KIAA0930: variants seen among roughly 807,000 people sequenced by gnomAD.
KIAA0930 encodes the protein uncharacterized protein KIAA0930.
KIAA0930 carries 24 observed loss-of-function variants against 43.9 expected under a neutral mutation model. The observed-to-expected ratio is 0.55, with a 90% CI of 0.40 to 0.77. The LOEUF (loss-of-function observed/expected upper bound fraction) is 0.77. Ranked by LOEUF, KIAA0930 falls within the 30% of genes least tolerant of loss-of-function variation. KIAA0930 has a pLI of 0.00. For missense variants in KIAA0930, 461 were observed against 574.2 expected (o/e 0.80, Z 2.02); for synonymous variants, 259 against 216.4 (o/e 1.20, Z -1.73).
intron 1 of KIAA0930, among the ~76,000 whole-genome samples, chr22:45,229,608 G>C (rs557391512): frequency 1.3e-3 from 199 of 152,340 alleles, no homozygotes; most frequent in African/African-American, 4.6e-3. Context: ...AGAGGCCACA[G>C]AAGGGCCCTA....
chr22:45,205,731 T>A (rs1488778547), intron 3 of KIAA0930, 24 bp from the exon 4 acceptor site: 1 of 1,613,864 alleles, frequency 6.2e-7, no homozygotes, highest in Admixed American at 1.7e-5. Flanking sequence ...CGGGTCAGCG[T>A]GCAGGGAGGG....
chr22:45,235,506 T>TA (rs1187790252), intron 1 of KIAA0930: 1 of 152,322 alleles, frequency 6.6e-6, no homozygotes, highest in East Asian at 1.9e-4. Context: ...CCCGCTGCGC[T>TA]GGCCCACAAC....
At chr22:45,214,888 G>C (rs536389640) in intron 1 of KIAA0930, among the ~76,000 whole-genome samples, 1 of 152,264 alleles carries the variant, frequency 6.6e-6, no homozygotes, top group South Asian at 2.1e-4. Flanking sequence ...CTGCCTGGGG[G>C]ACAAAGTGAG....
chr22:45,217,360 C>CAAAAAA, intron 1 of KIAA0930, among the ~76,000 whole-genome samples: 1 of 68,736 alleles, frequency 1.5e-5, no homozygotes, highest in African/African-American at 6.0e-5. Context: ...GACCCCGTCT[C>CAAAAAA]AAAAAAAAAA....
intron 1 of KIAA0930, among the ~76,000 whole-genome samples, chr22:45,221,609 T>C (rs777976970): frequency 1.2e-4 from 19 of 152,220 alleles, no homozygotes; most frequent in Non-Finnish European, 2.5e-4. Flanking sequence ...TATGTGCTAA[T>C]TGAATAAATG....
At chr22:45,226,546 C>T (rs574895960) in intron 1 of KIAA0930, among the ~76,000 whole-genome samples, 32 of 152,174 alleles carry the variant, frequency 2.1e-4, no homozygotes, top group African/African-American at 6.5e-4. Flanking sequence ...CTGCCCGCCC[C>T]GACCCCACAG....
Position 45,197,247 on chromosome 22 carries a change from C to T in KIAA0930, c.1175-31G>A, listed in dbSNP as rs1237412842. Reference sequence around the variant, plus strand: ...GCCGGCAGGAGGGAAGCAGGTGAAACAGTAACCCTCAACAGCGGTGAGTGC... The same window carrying T: ...GCCGGCAGGAGGGAAGCAGGTGAAATAGTAACCCTCAACAGCGGTGAGTGC... On this transcript the variant is annotated intron_variant, in intron 9 of 9. Transcript: ENST00000336156. 14 of 1,544,098 alleles carry T rather than the reference C, an allele frequency of 9.1e-6. No homozygotes were observed. The African/African-American group carries it at 1.5e-4, about 17-fold the overall frequency.
At chr22:45,209,417 T>TGG (rs1357304979) in intron 2 of KIAA0930, among the ~76,000 whole-genome samples, 1 of 152,044 alleles carries the variant, frequency 6.6e-6, no homozygotes, top group African/African-American at 2.4e-5. Context: ...AATGCCAAGT[T>TGG]GGGGCAGCCC....
chr22:45,233,874 C>T (rs937374169), intron 1 of KIAA0930, among the ~76,000 whole-genome samples: 3 of 152,202 alleles, frequency 2.0e-5, no homozygotes, highest in Non-Finnish European at 4.4e-5. Flanking sequence ...CCGCTTGGCC[C>T]TGCCTAGCCC....
intron 5 of KIAA0930, among the ~76,000 whole-genome samples, 195 bp downstream of exon 5, chr22:45,205,022 G>A (rs1052451177): frequency 2.0e-5 from 3 of 152,164 alleles, no homozygotes; most frequent in Non-Finnish European, 2.9e-5. Context: ...GGAGGAAACG[G>A]AGGCTGCGCC....
At position 45,205,773 on chromosome 22, in the gene KIAA0930, C is replaced by T. The variant is rs748152444; in HGVS notation, c.336+20G>A. On this transcript the variant is annotated intron_variant, in intron 3 of 9. Transcript: ENST00000336156. ...CATCCCACAGGGCCAATCCGCAGCC[C>T]CACCCATCCCACCCCATACCTTCTG... 5 of 770,948 alleles carry T rather than the reference C, an allele frequency of 6.5e-6. No individual in the cohort carries two copies. The highest frequency in any genetic ancestry group is 1.9e-5 in the Admixed American group (1 of 53,302). 47.8% of individuals were successfully genotyped at this position (770,948 alleles called of 1,614,324 possible).
chr22:45,216,647 G>A (rs1347761885), intron 1 of KIAA0930, among the ~76,000 whole-genome samples: 3 of 152,094 alleles, frequency 2.0e-5, no homozygotes, highest in Non-Finnish European at 4.4e-5. Context: ...TGCCGAGCAA[G>A]AAATCCCCTG....
At chr22:45,234,601 A>G (rs2083875275) in intron 1 of KIAA0930, among the ~76,000 whole-genome samples, 1 of 152,232 alleles carries the variant, frequency 6.6e-6, no homozygotes, top group Non-Finnish European at 1.5e-5. Flanking sequence ...AGCAGCCTCC[A>G]AGAAATGGCC....
intron 2 of KIAA0930, among the ~76,000 whole-genome samples, chr22:45,206,883 G>A (rs1208605086): frequency 6.6e-6 from 1 of 151,926 alleles, no homozygotes; most frequent in Non-Finnish European, 1.5e-5. Context: ...ATTTTTGGTA[G>A]AGACAGGATT....
At chr22:45,234,342 AG>A (rs35380956) in intron 1 of KIAA0930, among the ~76,000 whole-genome samples, 58,309 of 152,078 alleles carry the variant, frequency 0.38, 12,467 homozygotes, top group South Asian at 0.5. Flanking sequence ...CTGAAACGCC[AG>A]GGGGAGAGCT....
rs771343469 is a variant in KIAA0930 at position 45,194,249 on chromosome 22, A to C, written c.*2927T>G. On this transcript the variant is annotated 3_prime_UTR_variant, in exon 10 of 10. Coordinates refer to ENST00000336156, the MANE Select transcript of KIAA0930 (RefSeq NM_001009880.2). Reference sequence around the variant, plus strand: ...GCCACCATGTCCAGCTAATTTTTCTATCTTTAGTAGACATGGGGTTTCAGC... The same window carrying C: ...GCCACCATGTCCAGCTAATTTTTCTCTCTTTAGTAGACATGGGGTTTCAGC... The C allele has an allele frequency of 6.7e-6, 1 of 150,118 alleles. No individual in the cohort carries two copies. The highest frequency in any genetic ancestry group is 2.0e-4 in the East Asian group (1 of 4,880). 9.3% of individuals were successfully genotyped at this position (150,118 alleles called of 1,614,324 possible).
chr22:45,228,554 G>A (rs935732707), intron 1 of KIAA0930, among the ~76,000 whole-genome samples: 15 of 152,128 alleles, frequency 9.9e-5, no homozygotes, highest in African/African-American at 2.9e-4. Context: ...TCCCAGAAGC[G>A]GCTCAGCAAA....
chr22:45,216,042 AG>A (rs2083730457), intron 1 of KIAA0930, among the ~76,000 whole-genome samples: 2 of 152,174 alleles, frequency 1.3e-5, no homozygotes, highest in African/African-American at 4.8e-5. Context: ...AAAAAACAAA[AG>A]AAAGGGAGCA....
chr22:45,193,717 C>T lies in KIAA0930; in HGVS notation c.*3459G>A, dbSNP rs2083510666. Reference sequence around the variant, plus strand: ...CTTTTGTTCTCTTCTGACTACCTGTCACTCATGTTTTAAATAATCTTCTTT... The same window carrying T: ...CTTTTGTTCTCTTCTGACTACCTGTTACTCATGTTTTAAATAATCTTCTTT... On this transcript the variant is annotated 3_prime_UTR_variant, in exon 10 of 10. Transcript: ENST00000336156. 6.6e-6 allele frequency: 1 copy of T among 152,194 alleles called. No individual in the cohort carries two copies. 9.4% of individuals were successfully genotyped at this position (152,194 alleles called of 1,614,324 possible).
Sources: allele counts gnomAD v4.1 joint callset (sites outside exome capture counted in the v4.1 genomes callset), GRCh38; gene constraint gnomAD v4.1.1; transcripts MANE v1.5; gene names NCBI Gene and HGNC (gene_info 2026-07-23, HGNC 2026-07-21).